UNC79: variants seen among roughly 807,000 people sequenced by gnomAD.
The protein encoded by UNC79 is protein unc-79 homolog.
Under a neutral mutation model 283.1 loss-of-function variants are expected in UNC79, and 37 were observed. That is an observed-to-expected ratio of 0.13 (90% confidence interval 0.10 to 0.17). The LOEUF is 0.17. UNC79 is among the 10% of genes least tolerant of loss of function. The pLI, the probability that UNC79 is intolerant of heterozygous loss-of-function variation, is 1.00. For missense variants in UNC79, 2,272 were observed against 3,211.1 expected (o/e 0.71, Z 7.07); for synonymous variants, 1,107 against 1,200.2 (o/e 0.92, Z 1.61).
chr14:93,687,864 A>G (rs2140905504), intron 43 of UNC79, among the ~76,000 whole-genome samples: 1 of 152,292 alleles, frequency 6.6e-6, no homozygotes, highest in Non-Finnish European at 1.5e-5. Flanking sequence ...ATAAGTAGGA[A>G]CCAGGATCAT....
intron 5 of UNC79, 139 bp from the exon 6 acceptor site, chr14:93,496,272 T>A (rs1422525584): frequency 1.9e-6 from 1 of 540,196 alleles, no homozygotes; most frequent in Admixed American, 4.2e-5. Context: ...TAAGTATGAA[T>A]ATATGGAGAG....
chr14:93,662,234 T>C (rs1018678207), intron 39 of UNC79, among the ~76,000 whole-genome samples: 12 of 152,192 alleles, frequency 7.9e-5, no homozygotes, highest in Non-Finnish European at 1.3e-4. Flanking sequence ...GATCTGAATA[T>C]GATGAACTCA....
At chr14:93,434,376 T>G (rs1053375516) in intron 1 of UNC79, among the ~76,000 whole-genome samples, 1 of 152,220 alleles carries the variant, frequency 6.6e-6, no homozygotes, top group Admixed American at 6.5e-5. Context: ...GAGTTAAATT[T>G]TTTTTTTCTC....
At chr14:93,363,527 C>G (rs566269726) in intron 1 of UNC79, among the ~76,000 whole-genome samples, 1 of 152,054 alleles carries the variant, frequency 6.6e-6, no homozygotes, top group Admixed American at 6.6e-5. Flanking sequence ...TGTTAGTTTT[C>G]TGCTTTGAAG....
intron 22 of UNC79, among the ~76,000 whole-genome samples, chr14:93,592,694 A>C (rs1295471466): frequency 6.6e-6 from 1 of 152,226 alleles, no homozygotes; most frequent in Non-Finnish European, 1.5e-5. Context: ...AAAACAAAAC[A>C]AAACAACAAC....
At chr14:93,457,187 A>G (rs1016415734) in intron 1 of UNC79, among the ~76,000 whole-genome samples, 1 of 152,246 alleles carries the variant, frequency 6.6e-6, no homozygotes, top group Non-Finnish European at 1.5e-5. Context: ...TCATTCAGTC[A>G]TTCAACAAAC....
At position 93,617,402 on chromosome 14, in the gene UNC79, G is replaced by C. The variant is rs1182190831; in HGVS notation, c.4224+98G>C. The stretch of plus-strand genomic sequence containing the variant: ...TGAGTCTTTAGTTGAAAATTTTGTA[G>C]AAGTTTGACCTTCAGAAGGAAGATC... On this transcript the variant is annotated intron_variant, in intron 28 of 48. Transcript: ENST00000555664. The surrounding 1 kb of genome is among the most constrained non-coding windows in gnomAD (Gnocchi z 4.5). The C allele has an allele frequency of 7.5e-6, 10 of 1,328,960 alleles. No homozygotes were observed. The East Asian group carries it at 1.7e-4, about 22-fold the overall frequency. The allele number at this position is 1,328,960 out of a possible 1,614,324, so 82.3% of individuals were successfully genotyped here.
chr14:93,554,712 A>G (rs1015402790), intron 14 of UNC79, among the ~76,000 whole-genome samples: 1 of 152,188 alleles, frequency 6.6e-6, no homozygotes, highest in Non-Finnish European at 1.5e-5. Flanking sequence ...TTTCTGTTTC[A>G]AGATTAATCT....
chr14:93,335,875 G>A (rs1315537512), intron 1 of UNC79, among the ~76,000 whole-genome samples: 3 of 152,168 alleles, frequency 2.0e-5, no homozygotes, highest in Non-Finnish European at 4.4e-5. Flanking sequence ...TTTATCTTAA[G>A]TTAGTTGGAA....
chr14:93,634,537 G>A, intron 31 of UNC79: 1 of 1,614,100 alleles, frequency 6.2e-7, no homozygotes, highest in South Asian at 1.1e-5. Context: ...ATAGGCAGAT[G>A]AAAAGGGGAT....
chr14:93,506,748 G>A (rs1232362745), intron 7 of UNC79, among the ~76,000 whole-genome samples: 10 of 152,090 alleles, frequency 6.6e-5, no homozygotes, highest in Non-Finnish European at 1.5e-5. Context: ...GTTAGTGATA[G>A]TACTTTATTA....
chr14:93,537,917 CATTT>C, intron 11 of UNC79, 68 bp from the exon 12 acceptor site: 1 of 1,476,778 alleles, frequency 6.8e-7, no homozygotes, highest in Non-Finnish European at 9.1e-7. Context: ...CTTAAGTTTT[CATTT>C]ATTCTGATTC....
At chr14:93,693,088 G>T (rs970915266) in intron 46 of UNC79, among the ~76,000 whole-genome samples, 3 of 152,146 alleles carry the variant, frequency 2.0e-5, no homozygotes, top group Non-Finnish European at 4.4e-5. Context: ...AAAGGGGATG[G>T]TATATTTCCT....
At chr14:93,700,463 T>A (rs902698659) in intron 47 of UNC79, among the ~76,000 whole-genome samples, 1 of 152,204 alleles carries the variant, frequency 6.6e-6, no homozygotes, top group African/African-American at 2.4e-5. Flanking sequence ...TTAGTTCTGT[T>A]ATCTGTGTCA....
At position 93,493,989 on chromosome 14, in the gene UNC79, C is replaced by T. The variant is rs191188706; in HGVS notation, c.713-2422C>T. Among the ~76,000 whole-genome samples, 547 of 146,116 alleles carry T rather than the reference C, an allele frequency of 3.7e-3. 2 individuals carry two copies. The highest frequency in any genetic ancestry group is 0.013 in the African/African-American group (521 of 39,510). ...CACAATCTCAGCTCACTGCAACTTC[C>T]GCCTCCCAGGTTCAAGCAATTCTCC... On this transcript the variant is annotated intron_variant, in intron 5 of 48. Transcript: ENST00000555664.
intron 26 of UNC79, among the ~76,000 whole-genome samples, chr14:93,605,859 G>A (rs1351981892): frequency 1.3e-5 from 2 of 152,136 alleles, no homozygotes; most frequent in Non-Finnish European, 2.9e-5. Context: ...AGCAGATGGT[G>A]GCCAAAGTCT....
At chr14:93,661,257 A>C (rs9972182) in intron 39 of UNC79, among the ~76,000 whole-genome samples, 271 of 152,352 alleles carry the variant, frequency 1.8e-3, no homozygotes, top group African/African-American at 6.2e-3. Flanking sequence ...ATTAAATGGC[A>C]CTGAGAATTT....
chr14:93,641,002 G>A, intron 32 of UNC79, 143 bp from the exon 36 acceptor site: 1 of 530,566 alleles, frequency 1.9e-6, no homozygotes, highest in Non-Finnish European at 3.3e-6. Context: ...CATGATTGAG[G>A]GCTTTCTGCA....
At chr14:93,566,685 A>G (rs10143796) in intron 14 of UNC79, among the ~76,000 whole-genome samples, 89,392 of 146,798 alleles carry the variant, frequency 0.61, 27,940 homozygotes, top group Admixed American at 0.69. Flanking sequence ...GTTGCCAGGC[A>G]GGAGTGCAGT....
Sources: allele counts gnomAD v4.1 joint callset (sites outside exome capture counted in the v4.1 genomes callset), GRCh38; gene constraint gnomAD v4.1.1; non-coding constraint Gnocchi (gnomAD v3.1); transcripts MANE v1.5; gene names NCBI Gene and HGNC (gene_info 2026-07-23, HGNC 2026-07-21).